The following FSTL4 variants were observed in gnomAD, a reference collection of about 807,000 sequenced individuals.
The protein encoded by FSTL4 is follistatin like 4.
In FSTL4, 28 loss-of-function variants were observed where a neutral mutation model predicts 78.2. That is an observed-to-expected ratio of 0.36 (90% CI 0.27 to 0.49). FSTL4 has a LOEUF of 0.49. FSTL4 is among the 20% of genes least tolerant of loss of function. FSTL4 has a pLI of 0.98. For synonymous variants in FSTL4, 422 were observed against 440.5 expected, an observed-to-expected ratio of 0.96 and a Z score of 0.53; for missense variants, 922 against 1,084.9, an observed-to-expected ratio of 0.85 and a Z score of 2.11.
At chr5:133,750,964 A>G in the FSTL4 span, among the ~76,000 whole-genome samples, 2 of 151,452 alleles carry the variant, frequency 1.3e-5, no homozygotes, top group African/African-American at 4.9e-5. Context: ...CCAGTGGGCC[A>G]CTCTGCACTT....
chr5:133,694,051 C>T, the FSTL4 span, among the ~76,000 whole-genome samples: 1 of 152,212 alleles, frequency 6.6e-6, no homozygotes, highest in Non-Finnish European at 1.5e-5. Context: ...CCAGGTAACA[C>T]CTAAATTTAA....
chr5:133,364,775 C>G (rs1313156990), intron 4 of FSTL4, among the ~76,000 whole-genome samples: 1 of 152,102 alleles, frequency 6.6e-6, no homozygotes, highest in Non-Finnish European at 1.5e-5. Flanking sequence ...TGTCAGTCCC[C>G]CTTATCTCCA....
intron 4 of FSTL4, among the ~76,000 whole-genome samples, chr5:133,335,109 C>T (rs554220752): frequency 6.6e-6 from 1 of 152,330 alleles, no homozygotes; most frequent in South Asian, 2.1e-4. Context: ...ACGGCACCAC[C>T]TCCTCATGTT....
At chr5:133,487,116 T>C (rs2112864160) in intron 3 of FSTL4, among the ~76,000 whole-genome samples, 1 of 152,298 alleles carries the variant, frequency 6.6e-6, no homozygotes. Context: ...ATGAACTGCA[T>C]AGAAGGACCC....
chr5:133,290,257 G>A (rs1262279446), intron 6 of FSTL4, among the ~76,000 whole-genome samples: 1 of 152,242 alleles, frequency 6.6e-6, no homozygotes, highest in East Asian at 1.9e-4. Context: ...AGGTGAGACT[G>A]TTTGCTGCTC....
the FSTL4 span, among the ~76,000 whole-genome samples, chr5:133,708,710 T>C: frequency 6.6e-6 from 1 of 152,212 alleles, no homozygotes; most frequent in Non-Finnish European, 1.5e-5. Flanking sequence ...CTCTGGTTAT[T>C]CTCTCCTTTT....
the FSTL4 span, among the ~76,000 whole-genome samples, chr5:133,715,446 A>G: frequency 6.6e-6 from 1 of 152,232 alleles, no homozygotes; most frequent in Admixed American, 6.5e-5. Context: ...AGAGAGAACA[A>G]TGGCTCCAAA....
chr5:133,219,607 G>A (rs1751028844), intron 12 of FSTL4, among the ~76,000 whole-genome samples: 1 of 152,158 alleles, frequency 6.6e-6, no homozygotes, highest in Admixed American at 6.5e-5. Flanking sequence ...TGTAATTCTC[G>A]TTAGGTGTTT....
upstream of FSTL4, among the ~76,000 whole-genome samples, chr5:133,615,116 C>T (rs1324727373): frequency 6.6e-6 from 1 of 152,198 alleles, no homozygotes; most frequent in Non-Finnish European, 1.5e-5. Flanking sequence ...AAGCAAGGCA[C>T]TTTCTCCAGA....
chr5:133,682,792 T>A, the FSTL4 span, among the ~76,000 whole-genome samples: 1 of 152,224 alleles, frequency 6.6e-6, no homozygotes, highest in East Asian at 1.9e-4. Flanking sequence ...GTCTTGATGT[T>A]CAGGTTGAGA....
At chr5:133,224,085 G>C in intron 11 of FSTL4, 105 bp downstream of exon 11, 1 of 820,196 alleles carries the variant, frequency 1.2e-6, no homozygotes, top group Admixed American at 2.1e-5. Context: ...CTCCCATAGG[G>C]CTGCTTTGTG....
chr5:133,508,437 G>A (rs904219150), intron 3 of FSTL4, among the ~76,000 whole-genome samples: 1 of 152,202 alleles, frequency 6.6e-6, no homozygotes, highest in African/African-American at 2.4e-5. Context: ...ATATTTTGCA[G>A]TAGGTTTGTT....
Position 133,235,594 on chromosome 5 carries a change from G to A in FSTL4, c.895-2057C>T, listed in dbSNP as rs146389359. On this transcript the variant is annotated intron_variant, in intron 7 of 15. Coordinates refer to ENST00000265342, the MANE Select transcript of FSTL4 (RefSeq NM_015082.2). Reference sequence around the variant, plus strand: ...GCTTGGGGTAGGGCAAAGGCAGGAAGGTAGATGGTGAGCACATGCAGCCTG... The same window carrying A: ...GCTTGGGGTAGGGCAAAGGCAGGAAAGTAGATGGTGAGCACATGCAGCCTG... Among the ~76,000 whole-genome samples the A allele has an allele frequency of 1.4e-3, 220 of 152,104 alleles. 1 individual carries two copies. Among genetic ancestry groups the A allele is most frequent in the East Asian group, 4.8e-3 (25 of 5,184 alleles).
intron 4 of FSTL4, among the ~76,000 whole-genome samples, chr5:133,393,700 T>G (rs1474903319): frequency 2.6e-5 from 4 of 152,154 alleles, no homozygotes; most frequent in Non-Finnish European, 5.9e-5. Context: ...CTGCCTGCTT[T>G]TGACCCCAGG....
At chr5:133,654,016 T>C in the FSTL4 span, among the ~76,000 whole-genome samples, 1 of 152,236 alleles carries the variant, frequency 6.6e-6, no homozygotes, top group South Asian at 2.1e-4. Flanking sequence ...AAGGGCCTTG[T>C]GCTGGGCAGG....
At chr5:133,502,561 T>G (rs578049740) in intron 3 of FSTL4, among the ~76,000 whole-genome samples, 24 of 152,304 alleles carry the variant, frequency 1.6e-4, no homozygotes, top group African/African-American at 5.8e-4. Flanking sequence ...TTCTCATGAA[T>G]GGGTTAGCAC....
chr5:133,211,717 C>T (rs758395058), intron 13 of FSTL4, among the ~76,000 whole-genome samples: 3 of 152,194 alleles, frequency 2.0e-5, no homozygotes, highest in Non-Finnish European at 2.9e-5. Flanking sequence ...CCTTACCTCA[C>T]GTGGCCTCCC....
At chr5:133,820,168 C>G in the FSTL4 span, among the ~76,000 whole-genome samples, 3 of 152,194 alleles carry the variant, frequency 2.0e-5, no homozygotes, top group Non-Finnish European at 4.4e-5. Context: ...CATGCCTCCT[C>G]CCCCAGAAGT....
At chr5:133,640,203 C>A in the FSTL4 span, among the ~76,000 whole-genome samples, 1 of 152,188 alleles carries the variant, frequency 6.6e-6, no homozygotes, top group Non-Finnish European at 1.5e-5. Flanking sequence ...TGCCAACTAG[C>A]AAGATGGCAT....
Sources: allele counts gnomAD v4.1 joint callset (sites outside exome capture counted in the v4.1 genomes callset), GRCh38; gene constraint gnomAD v4.1.1; transcripts MANE v1.5; gene names NCBI Gene and HGNC (gene_info 2026-07-23, HGNC 2026-07-21).